The following OPCML variants were observed in gnomAD, a reference collection of about 807,000 sequenced individuals.
OPCML encodes the protein opioid binding protein/cell adhesion molecule like, also known as opioid-binding protein/cell adhesion molecule.
A neutral mutation model predicts 37.8 loss-of-function variants in OPCML; 13 were observed. The ratio of observed to expected loss-of-function variants is 0.34; its 90% CI spans 0.22 to 0.55. OPCML has a LOEUF of 0.55. OPCML is among the 20% of genes least tolerant of loss of function. The pLI is 0.91. For missense variants in OPCML, 341 were observed against 435.6 expected, an observed-to-expected ratio of 0.78 and a Z score of 1.93; for synonymous variants, 176 against 168.8, an observed-to-expected ratio of 1.04 and a Z score of -0.33.
rs1052102803 is a variant in OPCML at position 132,644,745 on chromosome 11, G to A, written c.379+12342C>T. Among the ~76,000 whole-genome samples the A allele has an allele frequency of 1.2e-4, 19 of 152,258 alleles. 1 individual carries two copies. In the East Asian group the frequency reaches 1.4e-3, roughly 11 times the overall value. On this transcript the variant is annotated intron_variant, in intron 3 of 7. Coordinates refer to ENST00000524381, the MANE Select transcript of OPCML (RefSeq NM_001012393.5). ...CACCGACCCTTATAAACTGTTAACCGTGGTAATGAACCAATCCAAGAGACA... is the reference window on the plus strand; with the variant it reads ...CACCGACCCTTATAAACTGTTAACCATGGTAATGAACCAATCCAAGAGACA...
At position 133,197,025 on chromosome 11, in the gene OPCML, G is replaced by T. The variant is rs530969421; in HGVS notation, c.62-254015C>A. Among the ~76,000 whole-genome samples, 232 of 152,356 alleles carry T rather than the reference G, an allele frequency of 1.5e-3. 1 individual carries two copies. The highest frequency in any genetic ancestry group is 5.4e-3 in the African/African-American group (226 of 41,584). ...TCCAACTGGGAGTGAATTGCCTGGA[G>T]TGTGTTGTTTTACTTCAAATCAGTA... On this transcript the variant is annotated intron_variant, in intron 1 of 7. Transcript: ENST00000524381.
intron 1 of OPCML, among the ~76,000 whole-genome samples, chr11:133,396,697 C>T (rs1945293673): frequency 2.0e-5 from 3 of 152,186 alleles, no homozygotes. Context: ...TGCTCTTTTG[C>T]ATGTAAACTA....
chr11:132,677,740 A>C (rs1207107250), intron 2 of OPCML, among the ~76,000 whole-genome samples: 5 of 152,180 alleles, frequency 3.3e-5, no homozygotes, highest in Admixed American at 1.3e-4. Flanking sequence ...CACAGATCTT[A>C]CACTTGTTTA....
intron 3 of OPCML, among the ~76,000 whole-genome samples, chr11:132,578,367 G>A (rs1318018978): frequency 6.6e-6 from 1 of 152,108 alleles, no homozygotes; most frequent in African/African-American, 2.4e-5. Flanking sequence ...GAAAACAATA[G>A]CAGTAAATTC....
In OPCML at chr11:133,099,449, T is replaced by C. The variant is rs1188399615; in HGVS notation, c.62-156439A>G. On this transcript the variant is annotated intron_variant, in intron 1 of 7. Transcript: ENST00000524381. ...GGCTAATTTTCTTTTTTTCTTTTTT[T>C]TTTTTTTTTTTGTATTTTTAGTAGA... is the stretch of plus-strand genomic sequence containing the variant. Among the ~76,000 whole-genome samples, 27 of 145,178 alleles carry C rather than the reference T, an allele frequency of 1.9e-4. No homozygotes were observed. The East Asian group carries it at 2.9e-3, about 16-fold the overall frequency.
intron 2 of OPCML, among the ~76,000 whole-genome samples, chr11:132,839,864 G>A (rs558497488): frequency 8.5e-5 from 13 of 152,218 alleles, no homozygotes; most frequent in South Asian, 8.3e-4. Flanking sequence ...CTCTCCCTTC[G>A]TCGACTGCCT....
At chr11:132,741,793 G>A (rs958146646) in intron 2 of OPCML, among the ~76,000 whole-genome samples, 5 of 152,022 alleles carry the variant, frequency 3.3e-5, no homozygotes, top group Admixed American at 6.6e-5. Flanking sequence ...TTGGGAGGCC[G>A]AGGCAAGCAG....
At chr11:133,041,934 C>T (rs147171699) in intron 1 of OPCML, among the ~76,000 whole-genome samples, 1 of 152,254 alleles carries the variant, frequency 6.6e-6, no homozygotes, top group East Asian at 1.9e-4. Flanking sequence ...CTGCGAGTCG[C>T]CTCCAAATCC....
intron 1 of OPCML, among the ~76,000 whole-genome samples, chr11:133,431,214 T>C (rs1946108367): frequency 6.6e-6 from 1 of 152,218 alleles, no homozygotes; most frequent in African/African-American, 2.4e-5. Context: ...TTTAAAATCA[T>C]TCGCTAAATC....
At chr11:132,554,797 T>C (rs1471346297) in intron 3 of OPCML, among the ~76,000 whole-genome samples, 1 of 151,846 alleles carries the variant, frequency 6.6e-6, no homozygotes, top group African/African-American at 2.4e-5. Context: ...CACAGAGCTT[T>C]TCTTTCATTG....
intron 3 of OPCML, among the ~76,000 whole-genome samples, chr11:132,572,178 A>T (rs1355760767): frequency 4.0e-5 from 6 of 150,794 alleles, no homozygotes; most frequent in Non-Finnish European, 7.4e-5. Flanking sequence ...ATTAACCCTT[A>T]CTGGACATAA....
At chr11:133,194,822 C>T (rs183982810) in intron 1 of OPCML, among the ~76,000 whole-genome samples, 9 of 152,272 alleles carry the variant, frequency 5.9e-5, no homozygotes, top group Non-Finnish European at 1.0e-4. Flanking sequence ...GGGACACATA[C>T]GTAATGCCCC....
intron 1 of OPCML, among the ~76,000 whole-genome samples, chr11:133,199,529 C>A (rs575960880): frequency 2.0e-5 from 3 of 152,106 alleles, no homozygotes; most frequent in Non-Finnish European, 4.4e-5. Context: ...AACAAGTCAA[C>A]CCTCTATCTT....
chr11:132,804,489 G>A (rs1938878201), intron 2 of OPCML, among the ~76,000 whole-genome samples: 1 of 152,176 alleles, frequency 6.6e-6, no homozygotes, highest in Non-Finnish European at 1.5e-5. Context: ...CAGCTGCTAT[G>A]TAATTAAAAG....
chr11:133,454,906 C>T (rs1946646072), intron 1 of OPCML, among the ~76,000 whole-genome samples: 1 of 152,120 alleles, frequency 6.6e-6, no homozygotes, highest in Non-Finnish European at 1.5e-5. Context: ...AAAGACTGGC[C>T]TTTAAGAGTC....
At chr11:133,311,674 C>T (rs1292830841) in intron 1 of OPCML, among the ~76,000 whole-genome samples, 1 of 152,190 alleles carries the variant, frequency 6.6e-6, no homozygotes, top group Non-Finnish European at 1.5e-5. Flanking sequence ...AGGCTGGCCA[C>T]CCACAGGAGT....
At chr11:133,483,619 G>T (rs1340511666) in intron 1 of OPCML, among the ~76,000 whole-genome samples, 2 of 151,074 alleles carry the variant, frequency 1.3e-5, no homozygotes, top group Admixed American at 1.3e-4. Flanking sequence ...TTTATAGATA[G>T]ATAAATAGAT....
At chr11:132,688,175 T>G (rs1943245191) in intron 2 of OPCML, among the ~76,000 whole-genome samples, 1 of 152,164 alleles carries the variant, frequency 6.6e-6, no homozygotes, top group Non-Finnish European at 1.5e-5. Flanking sequence ...ATGGTTTTTT[T>G]TTTTTATGAT....
In OPCML at chr11:132,657,072, C is replaced by T. The variant is rs764742037; in HGVS notation, c.379+15G>A. The T allele has an allele frequency of 4.3e-6, 7 of 1,610,794 alleles. No individual in the cohort carries two copies. The South Asian group carries it at 5.5e-5, about 13-fold the overall frequency. ...ACTGACGGGAATGGCAACCCCAGATCCAGCTGGGACTTACCTTGCACTATT... is the reference window on the plus strand; with the variant it reads ...ACTGACGGGAATGGCAACCCCAGATTCAGCTGGGACTTACCTTGCACTATT... On this transcript the variant is annotated intron_variant, in intron 3 of 7. Coordinates refer to ENST00000524381, the MANE Select transcript of OPCML (RefSeq NM_001012393.5).
Sources: allele counts gnomAD v4.1 joint callset (sites outside exome capture counted in the v4.1 genomes callset), GRCh38; gene constraint gnomAD v4.1.1; transcripts MANE v1.5; gene names NCBI Gene and HGNC (gene_info 2026-07-23, HGNC 2026-07-21).